Variants in BFSP1 observed in about 807,000 individuals in gnomAD.
The protein encoded by BFSP1 is beaded filament structural protein 1.
BFSP1 carries 38 observed loss-of-function variants against 43.9 expected under a neutral mutation model. The ratio of observed to expected loss-of-function variants is 0.87; its 90% CI spans 0.67 to 1.14. The LOEUF is 1.14. Ranked by LOEUF, BFSP1 falls within the 50% of genes most tolerant of loss-of-function variation. The pLI, the probability that BFSP1 is intolerant of heterozygous loss-of-function variation, is 0.00. For synonymous variants in BFSP1, 352 were observed against 354.8 expected, an observed-to-expected ratio of 0.99 and a Z score of 0.09; for missense variants, 850 against 875.1, an observed-to-expected ratio of 0.97 and a Z score of 0.36.
At chr20:17,510,078 G>A (rs1358139261) in intron 4 of BFSP1, among the ~76,000 whole-genome samples, 1 of 152,200 alleles carries the variant, frequency 6.6e-6, no homozygotes, top group South Asian at 2.1e-4. Flanking sequence ...TAACTTGATT[G>A]TAGAATTGCT....
chr20:17,548,878 G>C (rs1322816047), intron 1 of BFSP1, among the ~76,000 whole-genome samples: 1 of 152,158 alleles, frequency 6.6e-6, no homozygotes, highest in Non-Finnish European at 1.5e-5. Flanking sequence ...TGTGATCATA[G>C]CTCACTATAG....
intron 1 of BFSP1, among the ~76,000 whole-genome samples, chr20:17,545,717 A>C (rs1211931676): frequency 6.6e-6 from 1 of 152,254 alleles, no homozygotes; most frequent in East Asian, 1.9e-4. Flanking sequence ...AGATGTCCCA[A>C]TACCAATAAC....
intron 3 of BFSP1, among the ~76,000 whole-genome samples, chr20:17,513,005 A>G (rs1393258514): frequency 6.6e-6 from 1 of 152,120 alleles, no homozygotes; most frequent in African/African-American, 2.4e-5. Flanking sequence ...TGGCCAACAA[A>G]TGGTCATCTT....
chr20:17,548,180 CAA>C (rs11470598), intron 1 of BFSP1, among the ~76,000 whole-genome samples: 1,723 of 119,814 alleles, frequency 0.014, 34 homozygotes, highest in African/African-American at 0.051. Context: ...GAAAATAATG[CAA>C]AAAAAAAAAA....
intron 1 of BFSP1, among the ~76,000 whole-genome samples, chr20:17,526,141 C>G (rs868343081): frequency 8.5e-3 from 159 of 18,770 alleles, no homozygotes; most frequent in African/African-American, 0.011. Flanking sequence ...TTCTGTATGG[C>G]GGGGGGGGGG....
At position 17,500,421 on chromosome 20, in the gene BFSP1, C is replaced by T. The variant is rs554633225; in HGVS notation, c.736-1381G>A. 2.2e-4 allele frequency among the ~76,000 whole-genome samples: 34 copies of T among 152,286 alleles called. No individual in the cohort carries two copies. In the South Asian group the frequency reaches 6.0e-3, roughly 27 times the overall value. On this transcript the variant is annotated intron_variant, in intron 5 of 7. Coordinates refer to ENST00000377873, the MANE Select transcript of BFSP1 (RefSeq NM_001195.5). ...TACAATGGAGCTGGACAATTCCTGTCGCCTTGTGACAACCGCAGCCATCCT... is the reference window on the plus strand; with the variant it reads ...TACAATGGAGCTGGACAATTCCTGTTGCCTTGTGACAACCGCAGCCATCCT...
intron 1 of BFSP1, among the ~76,000 whole-genome samples, chr20:17,568,816 C>T (rs2035154089): frequency 6.7e-6 from 1 of 150,070 alleles, no homozygotes. Context: ...AAAAAAAATA[C>T]TGACCATCTT....
At chr20:17,558,668 C>G (rs2123599210) in intron 1 of BFSP1, 1 of 1,550,934 alleles carries the variant, frequency 6.4e-7, no homozygotes, top group Non-Finnish European at 8.7e-7. Flanking sequence ...CCAACACTTG[C>G]CGTTTATCAG....
chr20:17,498,459 C>A (rs1317534340), intron 6 of BFSP1, among the ~76,000 whole-genome samples: 1 of 152,166 alleles, frequency 6.6e-6, no homozygotes, highest in Non-Finnish European at 1.5e-5. Context: ...ACCTGCAGCA[C>A]CTCATTAAAT....
intron 1 of BFSP1, 42 bp downstream of exon 1, chr20:17,530,911 G>A (rs1448939788): frequency 7.3e-7 from 1 of 1,363,770 alleles, no homozygotes; most frequent in Non-Finnish European, 9.4e-7. Flanking sequence ...CGCCGGGACG[G>A]CCCACGCCCT....
chr20:17,548,646 A>G (rs2034846513), intron 1 of BFSP1, among the ~76,000 whole-genome samples: 1 of 152,224 alleles, frequency 6.6e-6, no homozygotes. Context: ...AGGGGCTTTT[A>G]TCAGTTCTTG....
intron 6 of BFSP1, among the ~76,000 whole-genome samples, chr20:17,497,860 A>C (rs991322363): frequency 4.9e-4 from 75 of 152,260 alleles, no homozygotes; most frequent in African/African-American, 1.7e-3. Context: ...TAAAAGAGGT[A>C]TCCAGTCACC....
chr20:17,531,424 C>G (rs907567384), upstream of BFSP1: 9 of 1,249,730 alleles, frequency 7.2e-6, no homozygotes, highest in African/African-American at 1.3e-4. Flanking sequence ...ACCGGAGGCC[C>G]CCGGCGCGCT....
exon 1 of BFSP1, chr20:17,558,809 G>T: frequency 6.9e-7 from 1 of 1,440,124 alleles, no homozygotes; most frequent in Non-Finnish European, 9.3e-7. Flanking sequence ...ACCCTCTCCA[G>T]AGGGCCAGGT....
chr20:17,507,021 G>A lies in BFSP1; in HGVS notation c.735+1868C>T, dbSNP rs1186322386. On this transcript the variant is annotated intron_variant, in intron 5 of 7. Coordinates refer to ENST00000377873, the MANE Select transcript of BFSP1 (RefSeq NM_001195.5). The surrounding 1 kb of genome is among the most constrained non-coding windows in gnomAD (Gnocchi z 4.4). ...CAGCCACTCAGGACAGAAACAGGCG[G>A]CCAACCAGCGGTTTCATTTCATGTT... The A allele has an allele frequency of 6.6e-6, 1 of 152,156 alleles. No individual in the cohort carries two copies. Among genetic ancestry groups the A allele is most frequent in the African/African-American group, 2.4e-5 (1 of 41,432 alleles). The allele number at this position is 152,156 out of a possible 1,614,324, so 9.4% of individuals were successfully genotyped here.
At position 17,531,194 on chromosome 20, in the gene BFSP1, C is replaced by T; in HGVS notation, c.136G>A (p.Gly46Arg). ...TGGGCGGCCACGCGCTCGCCGAGCC[C>T]CTGCAGCGCCGCCAGGCTCGTTGCC... ...AGATSLAALQ[G>R]LGERVAAHVQ... The change falls in exon 1 of 8, where the codon GGG (glycine) becomes AGG (arginine). Residue 46 changes from glycine to arginine, a missense_variant. By Grantham distance (125) the Gly-to-Arg change is moderately radical (BLOSUM62 -2). Coordinates refer to ENST00000377873, the MANE Select transcript of BFSP1 (RefSeq NM_001195.5). 7.7e-7 allele frequency: 1 copy of T among 1,304,696 alleles called. No individual in the cohort carries two copies. Among genetic ancestry groups the T allele is most frequent in the Admixed American group, 3.8e-5 (1 of 26,114 alleles). 80.8% of individuals were successfully genotyped at this position (1,304,696 alleles called of 1,614,324 possible).
upstream of BFSP1, among the ~76,000 whole-genome samples, chr20:17,533,719 GC>G (rs1281911786): frequency 6.6e-6 from 1 of 152,218 alleles, no homozygotes; most frequent in Non-Finnish European, 1.5e-5. Flanking sequence ...ATCCCATCAT[GC>G]TGGAGTGGAG....
chr20:17,538,020 C>A (rs927426047), intron 1 of BFSP1, among the ~76,000 whole-genome samples: 6 of 151,986 alleles, frequency 3.9e-5, no homozygotes, highest in South Asian at 4.2e-4. Context: ...ACTTGGGAGG[C>A]TGAGATGAGA....
Position 17,494,754 on chromosome 20 carries a change from C to G in BFSP1, c.1318G>C (p.Gly440Arg), listed in dbSNP as rs903166730. The change falls in exon 8 of 8, where the codon GGC becomes CGC. Residue 440 changes from glycine to arginine, a missense_variant. Coordinates refer to ENST00000377873, the MANE Select transcript of BFSP1 (RefSeq NM_001195.5). Reference protein sequence around the residue: ...DVPDGGQISKGFGKLYRKVKE... With the variant: ...DVPDGGQISKRFGKLYRKVKE... The stretch of plus-strand genomic sequence containing the variant: ...ACCTTCCTGTATAGTTTCCCAAAGC[C>G]TTTGCTTATCTGCCCTCCATCTGGC... The G allele has an allele frequency of 1.2e-6, 2 of 1,614,012 alleles. No individual in the cohort carries two copies. The highest frequency in any genetic ancestry group is 2.7e-5 in the African/African-American group (2 of 74,882).
Sources: gnomAD v4.1 joint callset for allele counts (sites outside exome capture counted in the v4.1 genomes callset) on GRCh38, gnomAD v4.1.1 for gene constraint, Gnocchi (gnomAD v3.1) non-coding constraint, MANE v1.5 for transcripts, NCBI Gene and HGNC (gene_info 2026-07-23, HGNC 2026-07-21) for gene names.